The following NFATC2 variants were observed in gnomAD, a reference collection of about 807,000 sequenced individuals.
The protein encoded by NFATC2 is nuclear factor of activated T-cells, cytoplasmic 2.
A neutral mutation model predicts 87.3 loss-of-function variants in NFATC2; 22 were observed. That is an observed-to-expected ratio of 0.25 (90% CI 0.18 to 0.36). NFATC2 has a LOEUF of 0.36. Among genes scored for constraint, NFATC2 ranks in the 10% least tolerant of loss-of-function variants. NFATC2 has a pLI of 1.00. For missense variants in NFATC2, 1,149 were observed against 1,259.1 expected, an observed-to-expected ratio of 0.91 and a Z score of 1.32; for synonymous variants, 565 against 542.2, an observed-to-expected ratio of 1.04 and a Z score of -0.58.
chr20:51,445,971 A>G (rs1985007092), intron 6 of NFATC2, among the ~76,000 whole-genome samples: 1 of 152,166 alleles, frequency 6.6e-6, no homozygotes, highest in Non-Finnish European at 1.5e-5. Flanking sequence ...TCATCTGTGG[A>G]TGATCCCCAC....
At chr20:51,420,522 T>G (rs910178285) in intron 9 of NFATC2, among the ~76,000 whole-genome samples, 2 of 152,098 alleles carry the variant, frequency 1.3e-5, no homozygotes, top group Non-Finnish European at 2.9e-5. Flanking sequence ...ACAACCTCAT[T>G]TTTTCAACAA....
chr20:51,407,271 C>T (rs1364886812), intron 9 of NFATC2, among the ~76,000 whole-genome samples: 1 of 152,198 alleles, frequency 6.6e-6, no homozygotes, highest in East Asian at 1.9e-4. Context: ...CCCATCATGC[C>T]CTGTCCCCCA....
chr20:51,514,561 G>T (rs1404780991), intron 3 of NFATC2, among the ~76,000 whole-genome samples: 4 of 152,152 alleles, frequency 2.6e-5, no homozygotes, highest in Non-Finnish European at 5.9e-5. Context: ...AAAGGTGCAT[G>T]GAGCTGTGGA....
intron 3 of NFATC2, among the ~76,000 whole-genome samples, chr20:51,499,069 C>T (rs927249747): frequency 1.3e-5 from 2 of 152,144 alleles, no homozygotes; most frequent in East Asian, 1.9e-4. Context: ...AGGCAGGGAC[C>T]GGGTGACACG....
At chr20:51,547,533 G>C (rs554231817), upstream of NFATC2, among the ~76,000 whole-genome samples, 40 of 152,186 alleles carry the variant, frequency 2.6e-4, no homozygotes, top group African/African-American at 9.4e-4. Context: ...TCCACCTTCT[G>C]GTAGAAAGCT....
At chr20:51,545,728 A>C (rs2146819488), upstream of NFATC2, among the ~76,000 whole-genome samples, 1 of 152,234 alleles carries the variant, frequency 6.6e-6, no homozygotes, top group Admixed American at 6.5e-5. Flanking sequence ...TAGGGGATGG[A>C]TGGAAGAATG....
At chr20:51,458,947 G>T (rs746582738) in intron 5 of NFATC2, among the ~76,000 whole-genome samples, 1 of 152,196 alleles carries the variant, frequency 6.6e-6, no homozygotes, top group African/African-American at 2.4e-5. Flanking sequence ...GGGCTCCGGG[G>T]TCAGAAAGCC....
intron 9 of NFATC2, among the ~76,000 whole-genome samples, chr20:51,423,281 G>C (rs1981230500): frequency 1.1e-5 from 1 of 94,512 alleles, no homozygotes; most frequent in African/African-American, 4.7e-5. Context: ...CAGAGTGAGA[G>C]ACCCTCTCTC....
Position 51,534,093 on chromosome 20 carries a change from T to G in NFATC2, c.130+8277A>C, listed in dbSNP as rs1395211305. 2.6e-5 allele frequency among the ~76,000 whole-genome samples: 4 copies of G among 152,188 alleles called. No individual in the cohort carries two copies. The East Asian group carries it at 7.7e-4, about 29-fold the overall frequency. Reference sequence around the variant, plus strand: ...AGCTTTCACGTGTACGCTCCCCTGTTCTCTCTGCAGTTTACATAAACCCCT... The same window carrying G: ...AGCTTTCACGTGTACGCTCCCCTGTGCTCTCTGCAGTTTACATAAACCCCT... On this transcript the variant is annotated intron_variant, in intron 1 of 10. Transcript: ENST00000371564.
At chr20:51,449,209 T>C (rs1002552427) in intron 6 of NFATC2, among the ~76,000 whole-genome samples, 4 of 152,074 alleles carry the variant, frequency 2.6e-5, no homozygotes, top group Non-Finnish European at 5.9e-5. Flanking sequence ...GCTGGCCAAA[T>C]GTCCATGGAG....
At chr20:51,555,947 G>T (rs1193291942) in intron 1 of NFATC2, among the ~76,000 whole-genome samples, 1 of 152,210 alleles carries the variant, frequency 6.6e-6, no homozygotes, top group African/African-American at 2.4e-5. Context: ...CTATGAATGG[G>T]ACCTTATTTG....
rs199700527 is a variant in NFATC2 at position 51,465,961 on chromosome 20, G to A, written c.1708+8019C>T. 1.2e-4 allele frequency among the ~76,000 whole-genome samples: 19 copies of A among 152,244 alleles called. No homozygotes were observed. The East Asian group carries it at 2.1e-3, about 17-fold the overall frequency. ...TGGGAAGCCCACGATAATGATGTGA[G>A]TCATTTCAGCTTCCGGCAGGAGCAG... On this transcript the variant is annotated intron_variant, in intron 5 of 10. Coordinates refer to ENST00000371564, the MANE Select transcript of NFATC2 (RefSeq NM_012340.5).
At chr20:51,511,863 G>A (rs187227235) in intron 3 of NFATC2, among the ~76,000 whole-genome samples, 7 of 152,258 alleles carry the variant, frequency 4.6e-5, no homozygotes, top group Admixed American at 2.0e-4. Context: ...TACTCAAAAC[G>A]TATCATGTCT....
chr20:51,530,121 T>A (rs2076609179), intron 1 of NFATC2, among the ~76,000 whole-genome samples: 1 of 152,158 alleles, frequency 6.6e-6, no homozygotes, highest in Non-Finnish European at 1.5e-5. Context: ...AAGAAAGGTG[T>A]CAATGGTACA....
intron 2 of NFATC2, among the ~76,000 whole-genome samples, chr20:51,518,388 T>C (rs890507093): frequency 1.3e-5 from 2 of 152,154 alleles, no homozygotes; most frequent in African/African-American, 4.8e-5. Context: ...ATCACAGCAG[T>C]ACCAAGGGGA....
intron 3 of NFATC2, among the ~76,000 whole-genome samples, chr20:51,489,165 G>A (rs147705953): frequency 6.6e-6 from 1 of 152,238 alleles, no homozygotes; most frequent in Non-Finnish European, 1.5e-5. Context: ...ACTGTAGCCT[G>A]GGCAACAGAG....
At chr20:51,547,377 G>A (rs1205515368), upstream of NFATC2, among the ~76,000 whole-genome samples, 1 of 151,934 alleles carries the variant, frequency 6.6e-6, no homozygotes, top group Non-Finnish European at 1.5e-5. Flanking sequence ...GCATAATTTG[G>A]GTCCACCTGG....
In NFATC2 at chr20:51,527,387, A is replaced by T. The variant is rs191515121; in HGVS notation, c.131-3277T>A. The stretch of plus-strand genomic sequence containing the variant: ...TTCTAGAAGGACCCCTGACCACTTG[A>T]CTAGCTCAGGCCCCACTCACAGGCC... On this transcript the variant is annotated intron_variant, in intron 1 of 10. Coordinates refer to ENST00000371564, the MANE Select transcript of NFATC2 (RefSeq NM_012340.5). Among the ~76,000 whole-genome samples the T allele has an allele frequency of 1.5e-4, 23 of 152,132 alleles. No individual in the cohort carries two copies. In the East Asian group the frequency reaches 4.5e-3, roughly 29 times the overall value.
intron 9 of NFATC2, among the ~76,000 whole-genome samples, chr20:51,420,670 C>T (rs6096425): frequency 0.038 from 5,773 of 152,152 alleles, 303 homozygotes; most frequent in East Asian, 0.12. Flanking sequence ...CTGCTTGCAA[C>T]GCTTGGTCTG....
Sources: allele counts gnomAD v4.1 joint callset (sites outside exome capture counted in the v4.1 genomes callset), GRCh38; gene constraint gnomAD v4.1.1; transcripts MANE v1.5; gene names NCBI Gene and HGNC (gene_info 2026-07-23, HGNC 2026-07-21).